The following GTPBP1 variants were observed in gnomAD, a reference collection of about 807,000 sequenced individuals.
GTPBP1 encodes the protein GTP-binding protein 1.
Under a neutral mutation model 62.0 loss-of-function variants are expected in GTPBP1, and 23 were observed. The observed-to-expected ratio is 0.37, with a 90% confidence interval of 0.27 to 0.53. The LOEUF is 0.53. GTPBP1 is among the 20% of genes least tolerant of loss of function. The pLI, the probability that GTPBP1 is intolerant of heterozygous loss-of-function variation, is 0.89. For missense variants in GTPBP1, 640 were observed against 917.3 expected, an observed-to-expected ratio of 0.70 and a Z score of 3.90; for synonymous variants, 344 against 364.4, an observed-to-expected ratio of 0.94 and a Z score of 0.64.
downstream of GTPBP1, chr22:38,740,219 C>G (rs755164922): frequency 1.3e-6 from 2 of 1,492,294 alleles, no homozygotes; most frequent in Admixed American, 2.3e-5. This position sits in a 1 kb window ranked among gnomAD's most constrained non-coding sequence, Gnocchi z 4.8. Flanking sequence ...CACGTCGTCT[C>G]AAAGGAGGAG....
intron 5 of GTPBP1, 106 bp from the exon 6 acceptor site, chr22:38,724,187 ATCTG>A (rs2092715365): frequency 2.9e-6 from 2 of 691,636 alleles, no homozygotes; most frequent in Admixed American, 2.1e-5. Flanking sequence ...TGGTCCATCT[ATCTG>A]TCTGTCTCCT....
At chr22:38,728,374 G>T (rs2092738139) in intron 10 of GTPBP1, 2 of 558,060 alleles carry the variant, frequency 3.6e-6, no homozygotes, top group East Asian at 2.9e-5. Context: ...AGAAGGTAGG[G>T]TTAGGGTATG....
At chr22:38,739,077 G>A (rs1476376209), downstream of GTPBP1, 21 of 1,301,268 alleles carry the variant, frequency 1.6e-5, no homozygotes, top group Middle Eastern at 2.4e-4. The surrounding 1 kb of genome is among the most constrained non-coding windows in gnomAD (Gnocchi z 6.7). Context: ...GAAGGTGGAC[G>A]GCAGATGCCC....
At chr22:38,707,826 G>A (rs930646329) in intron 1 of GTPBP1, among the ~76,000 whole-genome samples, 1 of 152,180 alleles carries the variant, frequency 6.6e-6, no homozygotes, top group Non-Finnish European at 1.5e-5. Context: ...AAGAAAAAGT[G>A]ATGGTGTGGA....
downstream of GTPBP1, chr22:38,734,256 A>G (rs540776617): frequency 2.4e-5 from 11 of 461,810 alleles, no homozygotes; most frequent in Non-Finnish European, 4.5e-5. Context: ...TCTGTGGGAA[A>G]GGTCAGGGCC....
chr22:38,709,413 A>G (rs994309418), intron 2 of GTPBP1, among the ~76,000 whole-genome samples: 1 of 152,254 alleles, frequency 6.6e-6, no homozygotes, highest in African/African-American at 2.4e-5. Context: ...ATAAAAGTAC[A>G]AAGTGAATGT....
chr22:38,741,129 A>G, downstream of GTPBP1: 1 of 1,496,690 alleles, frequency 6.7e-7, no homozygotes, highest in Non-Finnish European at 9.1e-7. Flanking sequence ...GCTGTCTGTT[A>G]GCGTCTTTGC....
rs189362342 is a variant in GTPBP1 at position 38,730,580 on chromosome 22, A to G, written c.1918-32A>G. ...TCTCTGGCCCTGCTCCTGATGGGCC[A>G]GTGCTTCTCAAGCTCCTTCTCTCTC... is the stretch of plus-strand genomic sequence containing the variant. On this transcript the variant is annotated intron_variant, in intron 11 of 11. Coordinates refer to ENST00000216044, the MANE Select transcript of GTPBP1 (RefSeq NM_004286.5). The surrounding 1 kb of genome is among the most constrained non-coding windows in gnomAD (Gnocchi z 5.6). 9 of 1,421,498 alleles carry G rather than the reference A, an allele frequency of 6.3e-6. No homozygotes were observed. Among genetic ancestry groups the G allele is most frequent in the Admixed American group, 1.7e-5 (1 of 59,738 alleles). 88.1% of individuals were successfully genotyped at this position (1,421,498 alleles called of 1,614,324 possible).
At chr22:38,742,738 G>A, downstream of GTPBP1, 1 of 709,114 alleles carries the variant, frequency 1.4e-6, no homozygotes, top group Non-Finnish European at 2.2e-6. Flanking sequence ...AGCTGGGTGT[G>A]CTGGGAGCCA....
Position 38,716,635 on chromosome 22 carries a change from G to A in GTPBP1, c.486-17G>A, listed in dbSNP as rs2092672579. The A allele has an allele frequency of 6.4e-7, 1 of 1,556,226 alleles. No individual in the cohort carries two copies. The highest frequency in any genetic ancestry group is 1.7e-5 in the Admixed American group (1 of 57,524). ...TCACTAACTCTCACATAGATGTATG[G>A]GTTCATCTACACGCAGGGTAGCAGT... On this transcript the variant is annotated splice_polypyrimidine_tract_variant and intron_variant, in intron 3 of 11. Transcript: ENST00000216044. The surrounding 1 kb of genome is among the most constrained non-coding windows in gnomAD (Gnocchi z 5.2).
downstream of GTPBP1, chr22:38,736,270 G>A: frequency 6.2e-7 from 1 of 1,612,430 alleles, no homozygotes; most frequent in Non-Finnish European, 8.5e-7. Flanking sequence ...AGCAGGGCTA[G>A]TGGGCGGGCT....
rs577081672 is a variant in GTPBP1, at chr22:38,731,010, T to TTGTTTG, written c.*309_*310insTTGTGT. 27 of 183,766 alleles carry TTGTTTG rather than the reference T, an allele frequency of 1.5e-4. No individual in the cohort carries two copies. The highest frequency in any genetic ancestry group is 6.7e-4 in the African/African-American group (25 of 37,082). The allele number at this position is 183,766 out of a possible 1,614,324, so 11.4% of individuals were successfully genotyped here. ...TATTATATGTCTCTGTCTCTCTCTA[T>TTGTTTG]TGTGTGTGTGTGTGTGTGTGTGTGT... On this transcript the variant is annotated 3_prime_UTR_variant, in exon 12 of 12. Transcript: ENST00000216044.
chr22:38,729,989 T>TC (rs1450747748), intron 11 of GTPBP1, among the ~76,000 whole-genome samples: 1 of 152,222 alleles, frequency 6.6e-6, no homozygotes, highest in African/African-American at 2.4e-5. Flanking sequence ...GGTGTGAGTG[T>TC]CCAAGTGATA....
chr22:38,734,990 A>C, downstream of GTPBP1: 1 of 293,582 alleles, frequency 3.4e-6, no homozygotes, highest in Non-Finnish European at 6.7e-6. Flanking sequence ...AGCCGGAACC[A>C]GTGCCCCAGG....
intron 2 of GTPBP1, among the ~76,000 whole-genome samples, chr22:38,713,615 G>A (rs2092652508): frequency 6.6e-6 from 1 of 152,172 alleles, no homozygotes; most frequent in Non-Finnish European, 1.5e-5. Flanking sequence ...AACTGGTCAG[G>A]CAGTAAGAGG....
At chr22:38,738,999 A>G (rs1253907495), downstream of GTPBP1, 1 of 1,601,904 alleles carries the variant, frequency 6.2e-7, no homozygotes, top group African/African-American at 1.3e-5. The surrounding 1 kb of genome is among the most constrained non-coding windows in gnomAD (Gnocchi z 6.6). Flanking sequence ...CTGAGACAGG[A>G]GAGGAAGGCA....
At chr22:38,742,498 C>G (rs759274009), downstream of GTPBP1, 2 of 1,613,564 alleles carry the variant, frequency 1.2e-6, no homozygotes, top group African/African-American at 1.3e-5. Flanking sequence ...AATTCAGCAG[C>G]AAGAGCTTCC....
chr22:38,728,459 T>C lies in GTPBP1; in HGVS notation c.1716+298T>C. On this transcript the variant is annotated intron_variant, in intron 10 of 11. Transcript: ENST00000216044. ...TCAGCCTCCAGGGTGCTGTCACAGG[T>C]TCCTATGGCCTCACTGGGACCATGT... 2 of 416,490 alleles carry C rather than the reference T, an allele frequency of 4.8e-6. 1 individual carries two copies. The highest frequency in any genetic ancestry group is 1.4e-3 in the Middle Eastern group (2 of 1,462). 25.8% of individuals were successfully genotyped at this position (416,490 alleles called of 1,614,324 possible).
At chr22:38,724,528 A>C in intron 6 of GTPBP1, 117 bp downstream of exon 6, 1 of 653,988 alleles carries the variant, frequency 1.5e-6, no homozygotes, top group Non-Finnish European at 2.8e-6. Context: ...ACACCACATC[A>C]ACACCTCTCC....
Sources: allele counts gnomAD v4.1 joint callset (sites outside exome capture counted in the v4.1 genomes callset), GRCh38; gene constraint gnomAD v4.1.1; non-coding constraint Gnocchi (gnomAD v3.1); transcripts MANE v1.5; gene names NCBI Gene and HGNC (gene_info 2026-07-23, HGNC 2026-07-21).